TRABD2B: variants seen among roughly 807,000 people sequenced by gnomAD.
The protein encoded by TRABD2B is metalloprotease TIKI2.
In TRABD2B, 14 loss-of-function variants were observed where a neutral mutation model predicts 40.1. The observed-to-expected ratio is 0.35, with a 90% confidence interval of 0.23 to 0.55. The LOEUF (loss-of-function observed/expected upper bound fraction) is 0.55, where lower values mean the gene tolerates loss of function less well. Ranked by LOEUF, TRABD2B falls within the 20% of genes least tolerant of loss-of-function variation. The probability of loss-of-function intolerance (pLI) is 0.90; values close to 1 mark genes in which losing one functional copy is unlikely to be tolerated. For missense variants in TRABD2B, 541 were observed against 648.6 expected (o/e 0.83, Z 1.80); for synonymous variants, 263 against 277.0 (o/e 0.95, Z 0.50).
intron 4 of TRABD2B, among the ~76,000 whole-genome samples, chr1:47,790,605 G>T (rs1644658035): frequency 6.6e-6 from 1 of 152,240 alleles, no homozygotes; most frequent in Non-Finnish European, 1.5e-5. Flanking sequence ...ACTTTTGTAT[G>T]CATACAGCAA....
rs1644274891 is a variant in TRABD2B, at chr1:47,764,247, GCA to G, written c.*1653_*1654del. 6.6e-6 allele frequency: 1 copy of G among 152,262 alleles called. No individual in the cohort carries two copies. Among genetic ancestry groups the G allele is most frequent in the African/African-American group, 2.4e-5 (1 of 41,464 alleles). 9.4% of individuals were successfully genotyped at this position (152,262 alleles called of 1,614,324 possible). A position where few individuals can be genotyped will look rare whatever the true frequency, so the allele number is the denominator to read the frequency against. The stretch of plus-strand genomic sequence containing the variant: ...GGAGTCAGCAGGCCCACCCGGCTGT[GCA>G]GCCTTGGAGAAGTGTCTCCTCTCTG... On this transcript the variant is annotated 3_prime_UTR_variant, in exon 7 of 7. Coordinates refer to ENST00000606738, the MANE Select transcript of TRABD2B (RefSeq NM_001194986.2).
intron 2 of TRABD2B, among the ~76,000 whole-genome samples, chr1:47,906,326 A>G (rs1333034692): frequency 1.3e-5 from 2 of 152,150 alleles, no homozygotes; most frequent in African/African-American, 2.4e-5. Context: ...TATTTTCCCT[A>G]TTTCACAGAT....
rs535947243 is a variant in TRABD2B at position 47,931,345 on chromosome 1, C to T, written c.666+62689G>A. Reference sequence around the variant, plus strand: ...AGGTATAGCCAGATCTTTCTCTTTTCGCCACCAGCAGCCATACCCCACCTT... The same window carrying T: ...AGGTATAGCCAGATCTTTCTCTTTTTGCCACCAGCAGCCATACCCCACCTT... On this transcript the variant is annotated intron_variant, in intron 2 of 6. Coordinates refer to ENST00000606738, the MANE Select transcript of TRABD2B (RefSeq NM_001194986.2). Among the ~76,000 whole-genome samples, 13 of 152,256 alleles carry T rather than the reference C, an allele frequency of 8.5e-5. 1 individual carries two copies. The highest frequency in any genetic ancestry group is 6.2e-4 in the South Asian group (3 of 4,820).
At chr1:47,907,059 C>A (rs1431733531) in intron 2 of TRABD2B, among the ~76,000 whole-genome samples, 1 of 152,164 alleles carries the variant, frequency 6.6e-6, no homozygotes, top group East Asian at 1.9e-4. Flanking sequence ...CGGCCGCTGG[C>A]GTGGGGAGGG....
intron 2 of TRABD2B, among the ~76,000 whole-genome samples, chr1:47,931,930 G>A (rs1645045085): frequency 6.6e-6 from 1 of 152,156 alleles, no homozygotes; most frequent in African/African-American, 2.4e-5. Context: ...AGAGTAACAG[G>A]GCTGTACCTC....
intron 2 of TRABD2B, among the ~76,000 whole-genome samples, chr1:47,897,076 G>T (rs1487965628): frequency 6.6e-6 from 1 of 152,182 alleles, no homozygotes; most frequent in African/African-American, 2.4e-5. Context: ...AGTAAATTAT[G>T]TAACATGTTA....
At chr1:47,849,852 G>A (rs575557049) in intron 2 of TRABD2B, among the ~76,000 whole-genome samples, 33 of 152,154 alleles carry the variant, frequency 2.2e-4, no homozygotes, top group Non-Finnish European at 4.1e-4. Flanking sequence ...CTGCCTTCCT[G>A]CTCCATCCCC....
At chr1:47,826,812 A>T (rs2124432205) in intron 2 of TRABD2B, among the ~76,000 whole-genome samples, 1 of 152,224 alleles carries the variant, frequency 6.6e-6, no homozygotes. Flanking sequence ...GCCTCAAGTG[A>T]TCCTCCCTCC....
At chr1:47,837,516 C>G (rs1443690223) in intron 2 of TRABD2B, among the ~76,000 whole-genome samples, 1 of 152,190 alleles carries the variant, frequency 6.6e-6, no homozygotes, top group Non-Finnish European at 1.5e-5. Context: ...CAGACCCTCC[C>G]TGCCTCTGCT....
intron 2 of TRABD2B, among the ~76,000 whole-genome samples, chr1:47,990,046 G>C (rs1010404815): frequency 6.6e-6 from 1 of 152,206 alleles, no homozygotes; most frequent in Non-Finnish European, 1.5e-5. Context: ...CCTGCATAGA[G>C]ACAAAACTCA....
At chr1:47,872,467 G>A (rs76494690) in intron 2 of TRABD2B, among the ~76,000 whole-genome samples, 276 of 152,326 alleles carry the variant, frequency 1.8e-3, no homozygotes, top group African/African-American at 6.1e-3. Flanking sequence ...AGGAACAGGG[G>A]CAGCAACAGA....
chr1:47,862,547 G>GAT (rs59173483), intron 2 of TRABD2B, among the ~76,000 whole-genome samples: 43,431 of 151,796 alleles, frequency 0.29, 6,351 homozygotes, highest in East Asian at 0.43. Context: ...ATATGCACAA[G>GAT]ATATATATGA....
chr1:47,829,738 G>C lies in TRABD2B; in HGVS notation c.667-28119C>G, dbSNP rs556614298. On this transcript the variant is annotated intron_variant, in intron 2 of 6. Coordinates refer to ENST00000606738, the MANE Select transcript of TRABD2B (RefSeq NM_001194986.2). ...CCTATGGCACATTCAATGACTTCCC[G>C]TGAATAAATTCATGCATGACACTTA... Among the ~76,000 whole-genome samples the C allele has an allele frequency of 3.7e-4, 56 of 152,248 alleles. No individual in the cohort carries two copies. In the Middle Eastern group the frequency reaches 0.017, roughly 46 times the overall value.
chr1:47,781,494 C>A (rs951837210), intron 4 of TRABD2B, among the ~76,000 whole-genome samples: 1 of 152,212 alleles, frequency 6.6e-6, no homozygotes, highest in Non-Finnish European at 1.5e-5. Flanking sequence ...GAGCACTGCG[C>A]GGCAATGGTC....
chr1:47,801,615 A>T lies in TRABD2B; in HGVS notation c.671T>A (p.Leu224Gln). The T allele has an allele frequency of 6.5e-7, 1 of 1,535,804 alleles. No individual in the cohort carries two copies. Among genetic ancestry groups the T allele is most frequent in the Non-Finnish European group, 8.7e-7 (1 of 1,146,682 alleles). The change falls in exon 3 of 7, where the codon CTG becomes CAG. Residue 224 changes from leucine to glutamine, a missense_variant. Leu to Gln is a moderately radical substitution (Grantham distance 113, BLOSUM62 -2). Transcript: ENST00000606738. ...CAGCAGGGTTTGGTTCAGGGCAAACAGCACCTGGGCCGAGGAAAGAGAGAG... is the reference window on the plus strand; with the variant it reads ...CAGCAGGGTTTGGTTCAGGGCAAACTGCACCTGGGCCGAGGAAAGAGAGAG... ...LNNGLNFSQVLFALNQTLLQQ... is the reference protein window; with the variant it reads ...LNNGLNFSQVQFALNQTLLQQ...
At chr1:47,812,943 G>A (rs1277459467) in intron 2 of TRABD2B, among the ~76,000 whole-genome samples, 1 of 152,140 alleles carries the variant, frequency 6.6e-6, no homozygotes, top group African/African-American at 2.4e-5. Context: ...AGGCTGGAAT[G>A]GATGAGAAAT....
At position 47,781,670 on chromosome 1, in the gene TRABD2B, C is replaced by T. The variant is rs11211602; in HGVS notation, c.989-3126G>A. ...ATTCTCTCCTTCTCTAAGCCACACT[C>T]ACCTTCCTTTCCCTCTGCCAGGGCA... On this transcript the variant is annotated intron_variant, in intron 4 of 6. Transcript: ENST00000606738. Among the ~76,000 whole-genome samples the T allele has an allele frequency of 1.5e-3, 236 of 152,344 alleles. 1 individual carries two copies. Among genetic ancestry groups the T allele is most frequent in the African/African-American group, 4.7e-3 (197 of 41,578 alleles).
chr1:47,931,682 A>G (rs1370453017), intron 2 of TRABD2B, among the ~76,000 whole-genome samples: 5 of 152,178 alleles, frequency 3.3e-5, no homozygotes, highest in African/African-American at 1.2e-4. Context: ...GGAAGCTTCT[A>G]GAACTCATCA....
intron 2 of TRABD2B, among the ~76,000 whole-genome samples, chr1:47,929,306 G>A (rs913521970): frequency 6.6e-6 from 1 of 152,094 alleles, no homozygotes; most frequent in Non-Finnish European, 1.5e-5. Context: ...GCCTCTCCCT[G>A]GTCCTCTGGA....
Sources: allele counts gnomAD v4.1 joint callset (sites outside exome capture counted in the v4.1 genomes callset), GRCh38; gene constraint gnomAD v4.1.1; transcripts MANE v1.5; gene names NCBI Gene and HGNC (gene_info 2026-07-23, HGNC 2026-07-21).